IQSEC1: variants seen among roughly 807,000 people sequenced by gnomAD.
IQSEC1 encodes the protein IQ motif and Sec7 domain ArfGEF 1, also known as IQ motif and SEC7 domain-containing protein 1.
A neutral mutation model predicts 91.0 loss-of-function variants in IQSEC1; 31 were observed. That is an observed-to-expected ratio of 0.34 (90% CI 0.26 to 0.46). The LOEUF is 0.46. IQSEC1 is among the 20% of genes least tolerant of loss of function. IQSEC1 has a pLI of 1.00. For synonymous variants in IQSEC1, 699 were observed against 662.6 expected (o/e 1.05, Z -0.84); for missense variants, 1,388 against 1,575.6 (o/e 0.88, Z 2.02).
At chr3:13,206,635 G>A (rs11929139) in intron 1 of IQSEC1, among the ~76,000 whole-genome samples, 18,232 of 152,022 alleles carry the variant, frequency 0.12, 1,545 homozygotes, top group African/African-American at 0.24. Context: ...TTTAAAAATC[G>A]TATGCATTAT....
intron 5 of IQSEC1, 90 bp from the exon 6 acceptor site, chr3:12,920,686 G>A: frequency 1.5e-6 from 2 of 1,370,202 alleles, no homozygotes; most frequent in Non-Finnish European, 2.0e-6. Flanking sequence ...GTGCCGCTAA[G>A]CCTCAGCTCC....
chr3:13,167,958 T>C (rs1693530042), intron 1 of IQSEC1, among the ~76,000 whole-genome samples: 1 of 152,138 alleles, frequency 6.6e-6, no homozygotes, highest in South Asian at 2.1e-4. Context: ...AGAAATGAGC[T>C]CCCGGCTGGA....
rs1002792090 is a variant in IQSEC1 at position 13,211,246 on chromosome 3, G to A, written c.273-47113C>T. Among the ~76,000 whole-genome samples the A allele has an allele frequency of 4.6e-5, 7 of 152,204 alleles. No homozygotes were observed. The highest frequency in any genetic ancestry group is 3.2e-3 in the Middle Eastern group (1 of 316). ...CCTCTGCTTTCACACCTGTGATGAC[G>A]GGGGTCTCACCACCTCCTCGACAGC... On this transcript the variant is annotated intron_variant, in intron 1 of 15. Coordinates refer to the IQSEC1 transcript ENST00000648114. The surrounding 1 kb of genome is among the most constrained non-coding windows in gnomAD (Gnocchi z 5.3).
intron 2 of IQSEC1, among the ~76,000 whole-genome samples, chr3:13,128,893 A>G (rs1319652021): frequency 2.6e-5 from 4 of 151,742 alleles, no homozygotes; most frequent in Admixed American, 6.6e-5. Flanking sequence ...AAAAAAAAAA[A>G]AAAAGAAATG....
intron 1 of IQSEC1, among the ~76,000 whole-genome samples, chr3:12,955,861 C>A (rs1436616969): frequency 6.6e-6 from 1 of 152,180 alleles, no homozygotes; most frequent in Admixed American, 6.5e-5. Context: ...CTGCACGGAG[C>A]TCTCTGGAAG....
Position 13,282,988 on chromosome 3 carries a change from C to G in IQSEC1, c.-6G>C, listed in dbSNP as rs1326657596. ...GGCTCGGCGGCGCTGGCCATGGCCC[C>G]CCGCCCGGAGGCCGGCCGCGCCTCA... is the stretch of plus-strand genomic sequence containing the variant. On this transcript the variant is annotated 5_prime_UTR_variant, in exon 1 of 16. Coordinates refer to the IQSEC1 transcript ENST00000648114. This position sits in a 1 kb window ranked among gnomAD's most constrained non-coding sequence, Gnocchi z 6.4. Among the ~76,000 whole-genome samples, 1 of 145,908 alleles carries G rather than the reference C, an allele frequency of 6.9e-6. No individual in the cohort carries two copies. Among genetic ancestry groups the G allele is most frequent in the East Asian group, 2.0e-4 (1 of 5,036 alleles).
intron 12 of IQSEC1, among the ~76,000 whole-genome samples, chr3:12,904,613 C>T (rs1324935625): frequency 1.3e-5 from 2 of 152,188 alleles, no homozygotes; most frequent in African/African-American, 2.4e-5. Flanking sequence ...TCTTGGGTGG[C>T]CACGGCCATC....
At chr3:12,955,118 G>A (rs969447041) in intron 1 of IQSEC1, among the ~76,000 whole-genome samples, 1 of 152,260 alleles carries the variant, frequency 6.6e-6, no homozygotes, top group African/African-American at 2.4e-5. Flanking sequence ...CAGCTGGGTT[G>A]TGGAGACACC....
intron 2 of IQSEC1, among the ~76,000 whole-genome samples, chr3:13,107,400 T>C (rs892053515): frequency 6.6e-6 from 1 of 152,248 alleles, no homozygotes; most frequent in African/African-American, 2.4e-5. Flanking sequence ...GTGCCTACTA[T>C]ACAGCACGCA....
chr3:13,011,385 T>C (rs1282697066), intron 1 of IQSEC1, among the ~76,000 whole-genome samples: 1 of 152,250 alleles, frequency 6.6e-6, no homozygotes, highest in Non-Finnish European at 1.5e-5. Flanking sequence ...GAGCCATTGC[T>C]AGGTCATTGT....
intron 2 of IQSEC1, among the ~76,000 whole-genome samples, chr3:12,938,083 C>T (rs367984113): frequency 1.4e-4 from 22 of 152,348 alleles, no homozygotes; most frequent in South Asian, 6.2e-4. Context: ...CACACTCCTG[C>T]GGCCAAGATA....
intron 3 of IQSEC1, among the ~76,000 whole-genome samples, chr3:12,933,996 T>C (rs1697938663): frequency 6.6e-6 from 1 of 152,190 alleles, no homozygotes; most frequent in Non-Finnish European, 1.5e-5. Flanking sequence ...CCCCTGGTTA[T>C]CCCAGCCTCC....
chr3:12,941,066 A>C (rs1276647220), intron 2 of IQSEC1, among the ~76,000 whole-genome samples: 2 of 152,168 alleles, frequency 1.3e-5, no homozygotes, highest in Admixed American at 6.5e-5. Context: ...GCCAGGAGGA[A>C]TAGAGCAAGC....
chr3:13,074,714 G>T (rs1454692773), upstream of IQSEC1, among the ~76,000 whole-genome samples: 1 of 152,184 alleles, frequency 6.6e-6, no homozygotes, highest in Non-Finnish European at 1.5e-5. Context: ...ATGAGAGAGG[G>T]AGTAGTTGAG....
At chr3:13,066,605 T>C (rs905932150) in intron 1 of IQSEC1, among the ~76,000 whole-genome samples, 10 of 152,194 alleles carry the variant, frequency 6.6e-5, no homozygotes, top group African/African-American at 2.2e-4. Flanking sequence ...TGGAACGTTG[T>C]GGGATCGTGG....
At chr3:13,242,235 C>T (rs561562035) in intron 1 of IQSEC1, among the ~76,000 whole-genome samples, 4 of 152,248 alleles carry the variant, frequency 2.6e-5, no homozygotes, top group South Asian at 2.1e-4. Context: ...TCCAGGTCTC[C>T]GCGGCTGTGA....
intron 1 of IQSEC1, among the ~76,000 whole-genome samples, chr3:13,028,818 T>C (rs1703728999): frequency 6.6e-6 from 1 of 152,192 alleles, no homozygotes. Flanking sequence ...GTGTTGGAGA[T>C]GGAGAATGGA....
chr3:12,952,070 C>T (rs761049553), intron 1 of IQSEC1, among the ~76,000 whole-genome samples: 3 of 152,116 alleles, frequency 2.0e-5, no homozygotes, highest in Admixed American at 1.3e-4. Flanking sequence ...ATATCTAAAA[C>T]GGGACAATAC....
chr3:13,186,072 C>T (rs1463073400), intron 1 of IQSEC1, among the ~76,000 whole-genome samples: 2 of 152,226 alleles, frequency 1.3e-5, no homozygotes. Flanking sequence ...AGCAAGTCTG[C>T]TTAGCACCAG....
Sources: allele counts gnomAD v4.1 joint callset (sites outside exome capture counted in the v4.1 genomes callset), GRCh38; gene constraint gnomAD v4.1.1; non-coding constraint Gnocchi (gnomAD v3.1); transcripts MANE v1.5; gene names NCBI Gene and HGNC (gene_info 2026-07-23, HGNC 2026-07-21).